Variants in ASIC5 observed in about 807,000 individuals in gnomAD.
ASIC5 encodes acid sensing ion channel subunit family member 5.
Under a neutral mutation model 51.2 loss-of-function variants are expected in ASIC5, and 52 were observed. That is an observed-to-expected ratio of 1.02 (90% CI 0.81 to 1.28). The LOEUF is 1.28. ASIC5 is among the 50% of genes most tolerant of loss of function. The pLI is 0.00. For missense variants in ASIC5, 635 were observed against 595.0 expected (o/e 1.07, Z -0.70); for synonymous variants, 231 against 200.7 (o/e 1.15, Z -1.28).
chr4:155,839,657 G>C (rs1204935321), intron 6 of ASIC5, among the ~76,000 whole-genome samples: 1 of 151,764 alleles, frequency 6.6e-6, no homozygotes, highest in African/African-American at 2.4e-5. Flanking sequence ...TACAACGTGC[G>C]GACAATTTGT....
chr4:155,850,584 T>C (rs1483326198), intron 4 of ASIC5, among the ~76,000 whole-genome samples: 1 of 152,022 alleles, frequency 6.6e-6, no homozygotes, highest in Non-Finnish European at 1.5e-5. Flanking sequence ...ATGGATCACA[T>C]TTCACCTTAG....
chr4:155,848,909 G>T lies in ASIC5; in HGVS notation c.711+3282C>A, dbSNP rs1741316597. Among the ~76,000 whole-genome samples, 3 of 151,948 alleles carry T rather than the reference G, an allele frequency of 2.0e-5. No individual in the cohort carries two copies. The South Asian group carries it at 6.2e-4, about 31-fold the overall frequency. ...CAGAGTCTTAAAACTTTTATTTTGA[G>T]CTACAATTTAGAATACTCCTATGAA... On this transcript the variant is annotated intron_variant, in intron 4 of 9. Transcript: ENST00000537611.
intron 4 of ASIC5, 88 bp from the exon 5 acceptor site, chr4:155,843,918 T>TAAA: frequency 4.1e-6 from 5 of 1,230,990 alleles, no homozygotes; most frequent in Non-Finnish European, 5.9e-6. Flanking sequence ...CATCTCATGA[T>TAAA]AGCGTTTGAC....
rs2111227614 is a variant in ASIC5, at chr4:155,835,838, A to G, written c.1235+851T>C. ...AGCGTTTACATGGGAATTTTTTTTT[A>G]TTTTATTAAAGTAAGCACAAGGCTA... On this transcript the variant is annotated intron_variant, in intron 8 of 9. Transcript: ENST00000537611. 2.0e-5 allele frequency among the ~76,000 whole-genome samples: 3 copies of G among 151,948 alleles called. No homozygotes were observed. The South Asian group carries it at 6.2e-4, about 32-fold the overall frequency.
chr4:155,853,538 A>G (rs1423762329), intron 3 of ASIC5, among the ~76,000 whole-genome samples: 1 of 147,806 alleles, frequency 6.8e-6, no homozygotes, highest in Non-Finnish European at 1.5e-5. Context: ...TGTATTTGTT[A>G]TGAGTGAATG....
intron 1 of ASIC5, among the ~76,000 whole-genome samples, chr4:155,865,417 A>C (rs1741836675): frequency 6.6e-6 from 1 of 151,838 alleles, no homozygotes; most frequent in Admixed American, 6.6e-5. Context: ...ACATATGCGA[A>C]GAATTTACTC....
intron 4 of ASIC5, among the ~76,000 whole-genome samples, chr4:155,851,119 A>G (rs962405343): frequency 2.6e-5 from 4 of 152,076 alleles, no homozygotes; most frequent in Admixed American, 1.3e-4. Context: ...GGAACATTGC[A>G]TTGAATTTGT....
intron 6 of ASIC5, among the ~76,000 whole-genome samples, chr4:155,840,815 T>TAA (rs549154132): frequency 1.3e-3 from 202 of 152,176 alleles, no homozygotes; most frequent in African/African-American, 4.5e-3. Flanking sequence ...CTTATAGTGA[T>TAA]AACATTACTA....
At chr4:155,862,475 G>A (rs1741735005) in intron 2 of ASIC5, among the ~76,000 whole-genome samples, 2 of 152,064 alleles carry the variant, frequency 1.3e-5, no homozygotes, top group African/African-American at 4.8e-5. Context: ...ATAGCTAAGT[G>A]GTGAGTCTTA....
At chr4:155,843,979 A>C in intron 4 of ASIC5, 149 bp from the exon 5 acceptor site, 1 of 834,268 alleles carries the variant, frequency 1.2e-6, no homozygotes, top group Admixed American at 2.8e-5. Context: ...TCTAAAGTGT[A>C]TGAAAATTAA....
Position 155,851,088 on chromosome 4 carries a change from A to G in ASIC5, c.711+1103T>C, listed in dbSNP as rs191740567. On this transcript the variant is annotated intron_variant, in intron 4 of 9. Transcript: ENST00000537611. ...ACTTAACTGTCTAGTCTGGAGAAAT[A>G]TCTAAATGTTATTTACCTATGGAAC... Among the ~76,000 whole-genome samples, 16 of 152,172 alleles carry G rather than the reference A, an allele frequency of 1.1e-4. No homozygotes were observed. In the East Asian group the frequency reaches 3.1e-3, roughly 29 times the overall value.
At chr4:155,843,889 G>C (rs1307016766) in intron 4 of ASIC5, 59 bp from the exon 5 acceptor site, 1 of 1,535,990 alleles carries the variant, frequency 6.5e-7, no homozygotes, top group Non-Finnish European at 9.0e-7. Flanking sequence ...TTCTAAACAA[G>C]TTTAGGATTT....
chr4:155,843,785 T>A lies in ASIC5; in HGVS notation c.757A>T (p.Ile253Phe), dbSNP rs554773690. 1.2e-6 allele frequency: 2 copies of A among 1,613,612 alleles called. No homozygotes were observed. The highest frequency in any genetic ancestry group is 4.5e-5 in the East Asian group (2 of 44,842). ...TTTGGTGAATGGATAACAAAGATGA[T>A]CCCAGCATCAACGAAACCAAGGGCT... ...NPALGFVDAG[I>F]IFVIHSPKKV... Residue 253 changes from isoleucine (I) to phenylalanine (F), a missense_variant, in exon 5 of 10, where the codon ATC (isoleucine) becomes TTC (phenylalanine). Ile to Phe is a conservative substitution (Grantham distance 21). Transcript: ENST00000537611.
chr4:155,849,864 C>G (rs1350028174), intron 4 of ASIC5, among the ~76,000 whole-genome samples: 1 of 152,040 alleles, frequency 6.6e-6, no homozygotes, highest in Non-Finnish European at 1.5e-5. Context: ...TCATACCTGC[C>G]TACTGATGTA....
At chr4:155,853,301 G>A (rs1055305814) in intron 3 of ASIC5, among the ~76,000 whole-genome samples, 19 of 151,720 alleles carry the variant, frequency 1.3e-4, no homozygotes, top group African/African-American at 2.9e-4. Flanking sequence ...GTGCTAAGGC[G>A]GCCTACCAAA....
intron 2 of ASIC5, 80 bp from the exon 3 acceptor site, chr4:155,854,394 C>A: frequency 1.0e-6 from 1 of 990,494 alleles, no homozygotes; most frequent in Non-Finnish European, 1.5e-6. Flanking sequence ...CATCTAGATT[C>A]TATTAGCTTC....
rs373158388 is a variant in ASIC5, at chr4:155,843,845, T to C, written c.712-15A>G. ...GTGAATGCCTCCTGAAACAAAAATA[T>C]GTTTTTGCCCAAATTGCAAATTGAC... On this transcript the variant is annotated splice_polypyrimidine_tract_variant and intron_variant, in intron 4 of 9. Transcript: ENST00000537611. 1.9e-6 allele frequency: 3 copies of C among 1,612,866 alleles called. No homozygotes were observed. Among genetic ancestry groups the C allele is most frequent in the African/African-American group, 2.7e-5 (2 of 74,866 alleles).
At chr4:155,855,165 GC>G (rs931593021) in intron 2 of ASIC5, 11 of 152,070 alleles carry the variant, frequency 7.2e-5, no homozygotes, top group Admixed American at 7.2e-4. Flanking sequence ...AATTGTTACA[GC>G]CACTTGATGG....
At chr4:155,846,813 G>A (rs56094107) in intron 4 of ASIC5, among the ~76,000 whole-genome samples, 1 of 151,796 alleles carries the variant, frequency 6.6e-6, no homozygotes, top group Non-Finnish European at 1.5e-5. Context: ...TTCATTATGT[G>A]GGTATTTTCC....
Sources: allele counts gnomAD v4.1 joint callset (sites outside exome capture counted in the v4.1 genomes callset), GRCh38; gene constraint gnomAD v4.1.1; transcripts MANE v1.5; gene names NCBI Gene and HGNC (gene_info 2026-07-23, HGNC 2026-07-21).